The following BICC1 variants were observed in gnomAD, a reference collection of about 807,000 sequenced individuals.
BICC1 encodes the protein protein bicaudal C homolog 1.
Under a neutral mutation model 111.0 loss-of-function variants are expected in BICC1, and 43 were observed. That is an observed-to-expected ratio of 0.39 (90% CI 0.30 to 0.50). The LOEUF (loss-of-function observed/expected upper bound fraction) is 0.50. Among genes scored for constraint, BICC1 ranks in the 20% least tolerant of loss-of-function variants. The pLI is 0.88. For synonymous variants in BICC1, 467 were observed against 434.4 expected (o/e 1.07, Z -0.93); for missense variants, 1,091 against 1,203.2 (o/e 0.91, Z 1.38).
At chr10:58,658,936 G>T (rs2132280684) in intron 2 of BICC1, among the ~76,000 whole-genome samples, 1 of 152,230 alleles carries the variant, frequency 6.6e-6, no homozygotes, top group African/African-American at 2.4e-5. Context: ...GAGTGTAATT[G>T]GTTCTGCACC....
intron 1 of BICC1, among the ~76,000 whole-genome samples, chr10:58,614,028 C>T (rs1845522263): frequency 1.3e-5 from 2 of 152,036 alleles, no homozygotes; most frequent in South Asian, 4.1e-4. Flanking sequence ...AAATGTTCTT[C>T]AGTGATACCC....
At chr10:58,713,253 T>C (rs1589051418) in intron 3 of BICC1, among the ~76,000 whole-genome samples, 1 of 152,214 alleles carries the variant, frequency 6.6e-6, no homozygotes, top group East Asian at 1.9e-4. Flanking sequence ...TTTCTTGGGC[T>C]CCTTCTCCCT....
intron 1 of BICC1, among the ~76,000 whole-genome samples, chr10:58,584,096 ACACAG>A (rs1844365659): frequency 1.6e-5 from 2 of 126,854 alleles, no homozygotes; most frequent in African/African-American, 5.4e-5. Flanking sequence ...ACACACACAC[ACACAG>A]TTTTTCAGTA....
chr10:58,715,817 C>A, intron 3 of BICC1: 1 of 1,294,394 alleles, frequency 7.7e-7, no homozygotes, highest in African/African-American at 1.5e-5. Context: ...AGAGCTCATC[C>A]AAAAAAAAGA....
chr10:58,714,746 A>G (rs2132497851), intron 3 of BICC1, among the ~76,000 whole-genome samples: 1 of 152,254 alleles, frequency 6.6e-6, no homozygotes, highest in Middle Eastern at 3.4e-3. Flanking sequence ...TCTGTCAGTC[A>G]TGGCATGGCT....
intron 3 of BICC1, among the ~76,000 whole-genome samples, chr10:58,767,858 C>T (rs757233771): frequency 1.3e-5 from 2 of 151,498 alleles, no homozygotes; most frequent in South Asian, 2.1e-4. Context: ...ACAGCAGATT[C>T]GATCAAGCAG....
chr10:58,598,103 C>T (rs575208857), intron 1 of BICC1, among the ~76,000 whole-genome samples: 5 of 152,212 alleles, frequency 3.3e-5, no homozygotes, highest in African/African-American at 1.2e-4. Flanking sequence ...AATTTATGTT[C>T]CTCTGCTGCA....
intron 3 of BICC1, among the ~76,000 whole-genome samples, chr10:58,723,653 G>C (rs1841008642): frequency 1.3e-5 from 2 of 152,194 alleles, no homozygotes; most frequent in African/African-American, 4.8e-5. Flanking sequence ...CCAGCAGGAA[G>C]GCTAGAGAGG....
rs1844476185 is a variant in BICC1, at chr10:58,828,860, C to T, written c.2894C>T (p.Ser965Leu). 1 of 1,613,964 alleles carries T rather than the reference C, an allele frequency of 6.2e-7. No homozygotes were observed. Among genetic ancestry groups the T allele is most frequent in the South Asian group, 1.1e-5 (1 of 91,078 alleles). ...ASGRLPRQYH[S>L]DIASVSGRW is the part of the protein sequence containing the mutation. Reference sequence around the variant, plus strand: ...GGAAGGCTACCCCGTCAGTATCACTCAGACATTGCTAGTGTCAGTGGCCGC... The same window carrying T: ...GGAAGGCTACCCCGTCAGTATCACTTAGACATTGCTAGTGTCAGTGGCCGC... The change falls in exon 21 of 21, where the codon TCA (serine) becomes TTA (leucine). Residue 965 changes from serine to leucine, a missense_variant. Ser to Leu is a moderately radical substitution (Grantham distance 145). Transcript: ENST00000373886.
At chr10:58,798,665 T>A in intron 11 of BICC1, 105 bp downstream of exon 11, 1 of 1,049,662 alleles carries the variant, frequency 9.5e-7, no homozygotes, top group Non-Finnish European at 1.3e-6. Flanking sequence ...AAATTAGGGT[T>A]CAAAGCATAC....
intron 3 of BICC1, among the ~76,000 whole-genome samples, chr10:58,747,269 T>G (rs1258929664): frequency 6.6e-6 from 1 of 152,266 alleles, no homozygotes; most frequent in African/African-American, 2.4e-5. Context: ...GCTGTCTTTA[T>G]TGCACCCAAA....
intron 2 of BICC1, among the ~76,000 whole-genome samples, chr10:58,665,535 G>T (rs1838981606): frequency 6.6e-6 from 1 of 152,038 alleles, no homozygotes; most frequent in South Asian, 2.1e-4. Flanking sequence ...GTTTTGCTTT[G>T]TTCATGAATT....
chr10:58,798,707 ATTAG>A, intron 11 of BICC1, 147 bp downstream of exon 11: 1 of 744,152 alleles, frequency 1.3e-6, no homozygotes, highest in Non-Finnish European at 2.0e-6. Context: ...TGATATGTAA[ATTAG>A]TTAAAATGAA....
intron 1 of BICC1, among the ~76,000 whole-genome samples, chr10:58,613,961 T>A (rs56141544): frequency 1.8e-3 from 270 of 152,324 alleles, no homozygotes; most frequent in African/African-American, 6.3e-3. Flanking sequence ...GCATTTTATT[T>A]TATTTATCTT....
intron 3 of BICC1, among the ~76,000 whole-genome samples, chr10:58,779,111 A>G (rs894016840): frequency 4.6e-5 from 7 of 152,188 alleles, no homozygotes; most frequent in African/African-American, 1.2e-4. Flanking sequence ...AAGAAAGTCA[A>G]TTTCTTAAGA....
In BICC1 at chr10:58,580,549, G is replaced by A. The variant is rs186133231; in HGVS notation, c.191-40306G>A. Among the ~76,000 whole-genome samples, 44 of 152,210 alleles carry A rather than the reference G, an allele frequency of 2.9e-4. No individual in the cohort carries two copies. In the East Asian group the frequency reaches 8.1e-3, roughly 28 times the overall value. ...AAATCCAAAATCTGAAACACTTCTGGTCTCAAGCATTTTGGATAAGGGATA... is the reference window on the plus strand; with the variant it reads ...AAATCCAAAATCTGAAACACTTCTGATCTCAAGCATTTTGGATAAGGGATA... On this transcript the variant is annotated intron_variant, in intron 1 of 20. Coordinates refer to ENST00000373886, the MANE Select transcript of BICC1 (RefSeq NM_001080512.3).
At chr10:58,655,856 C>A (rs1407720009) in intron 2 of BICC1, among the ~76,000 whole-genome samples, 1 of 150,948 alleles carries the variant, frequency 6.6e-6, no homozygotes, top group Non-Finnish European at 1.5e-5. Context: ...GAAATATGTC[C>A]CATCAATGCC....
At chr10:58,634,513 T>G (rs946804383) in intron 2 of BICC1, among the ~76,000 whole-genome samples, 1 of 152,188 alleles carries the variant, frequency 6.6e-6, no homozygotes, top group Non-Finnish European at 1.5e-5. Context: ...CATTAGTATT[T>G]TTTGGAAAAG....
chr10:58,579,327 T>C (rs1844201408), intron 1 of BICC1, among the ~76,000 whole-genome samples: 1 of 152,240 alleles, frequency 6.6e-6, no homozygotes, highest in Non-Finnish European at 1.5e-5. Flanking sequence ...GTTATGCTGC[T>C]TACGTAAGTA....
Sources: allele counts gnomAD v4.1 joint callset (sites outside exome capture counted in the v4.1 genomes callset), GRCh38; gene constraint gnomAD v4.1.1; transcripts MANE v1.5; gene names NCBI Gene and HGNC (gene_info 2026-07-23, HGNC 2026-07-21).